RXRG: variants seen among roughly 807,000 people sequenced by gnomAD.
RXRG encodes retinoic acid receptor RXR-gamma.
A neutral mutation model predicts 49.2 loss-of-function variants in RXRG; 19 were observed. That is an observed-to-expected ratio of 0.39 (90% confidence interval 0.27 to 0.57). The LOEUF (loss-of-function observed/expected upper bound fraction) is 0.57, where lower values mean the gene tolerates loss of function less well. Ranked by LOEUF, RXRG falls within the 20% of genes least tolerant of loss-of-function variation. RXRG has a pLI of 0.64. For synonymous variants in RXRG, 224 were observed against 216.6 expected (o/e 1.03, Z -0.30); for missense variants, 452 against 592.5 (o/e 0.76, Z 2.46).
chr1:165,407,719 C>G (rs1479221778), intron 8 of RXRG, among the ~76,000 whole-genome samples: 1 of 152,152 alleles, frequency 6.6e-6, no homozygotes, highest in Non-Finnish European at 1.5e-5. Context: ...ATCTACTACC[C>G]ATTTCCTATT....
intron 2 of RXRG, 114 bp downstream of exon 2, chr1:165,428,605 A>G (rs1658566270): frequency 3.1e-6 from 4 of 1,271,940 alleles, no homozygotes; most frequent in Non-Finnish European, 4.3e-6. Context: ...GACCATTCAA[A>G]CCCTTTGGCA....
chr1:165,414,408 C>T (rs922510453), intron 4 of RXRG, among the ~76,000 whole-genome samples: 1 of 152,168 alleles, frequency 6.6e-6, no homozygotes, highest in Non-Finnish European at 1.5e-5. Context: ...CAACATTTGG[C>T]CTATTGACCA....
intron 1 of RXRG, among the ~76,000 whole-genome samples, chr1:165,431,833 TA>T (rs528358513): frequency 1.7e-3 from 250 of 150,524 alleles, no homozygotes; most frequent in Middle Eastern, 6.8e-3. Flanking sequence ...TCAGCAAACT[TA>T]AAAAAAAAAT....
At position 165,419,998 on chromosome 1, in the gene RXRG, C is replaced by A. The variant is rs1253948163; in HGVS notation, c.314G>T (p.Ser105Ile). ...PPSSQLNVVN[S>I]VSSSEDIKPL... ...CTTGATGTCCTCTGAACTGCTGACA[C>A]TGTTGACCACATTTAGCTGCAAGAG... The change falls in exon 3 of 10, where the codon AGT becomes ATT. Residue 105 changes from serine (S) to isoleucine (I), a missense_variant. Physicochemically the swap from Ser to Ile is moderately radical, Grantham distance 142. This residue lies in a region of RXRG where 166 missense variants were observed against 151.7 expected (regional missense o/e 1.09). Coordinates refer to ENST00000359842, the MANE Select transcript of RXRG (RefSeq NM_006917.5). The A allele has an allele frequency of 1.2e-6, 2 of 1,603,432 alleles. No homozygotes were observed. The highest frequency in any genetic ancestry group is 3.4e-5 in the Admixed American group (2 of 58,358).
intron 2 of RXRG, 39 bp downstream of exon 2, chr1:165,428,680 A>G: frequency 6.4e-7 from 1 of 1,551,248 alleles, no homozygotes; most frequent in Non-Finnish European, 8.7e-7. Flanking sequence ...GAAACCATGT[A>G]AGATGGCTGG....
intron 2 of RXRG, among the ~76,000 whole-genome samples, chr1:165,426,129 A>C (rs1658478374): frequency 1.3e-5 from 2 of 152,240 alleles, no homozygotes; most frequent in Admixed American, 6.5e-5. Flanking sequence ...CATTTGAGCA[A>C]GAGTGGGGCA....
At chr1:165,441,959 C>G (rs1659020496) in intron 1 of RXRG, among the ~76,000 whole-genome samples, 1 of 152,242 alleles carries the variant, frequency 6.6e-6, no homozygotes, top group African/African-American at 2.4e-5. Flanking sequence ...CTGTTGCTCA[C>G]TGATCAGATG....
intron 9 of RXRG, among the ~76,000 whole-genome samples, chr1:165,404,125 G>A (rs1286981282): frequency 6.6e-6 from 1 of 152,192 alleles, no homozygotes; most frequent in Non-Finnish European, 1.5e-5. Flanking sequence ...GGCTGTGCCA[G>A]GATCCCCTTC....
chr1:165,408,645 G>A (rs147535512), intron 7 of RXRG, among the ~76,000 whole-genome samples: 31 of 152,270 alleles, frequency 2.0e-4, no homozygotes, highest in Non-Finnish European at 2.2e-4. Context: ...AATTAGAAAC[G>A]CAACAGGCAC....
intron 4 of RXRG, among the ~76,000 whole-genome samples, chr1:165,416,837 T>A (rs1198541875): frequency 6.6e-6 from 1 of 152,228 alleles, no homozygotes; most frequent in Non-Finnish European, 1.5e-5. Context: ...AGGAAAAGGG[T>A]ACATTCAATT....
Position 165,409,818 on chromosome 1 carries a change from T to G in RXRG, c.914-128A>C, listed in dbSNP as rs964378957. The G allele has an allele frequency of 6.7e-6, 6 of 893,906 alleles. No individual in the cohort carries two copies. The African/African-American group carries it at 1.0e-4, about 16-fold the overall frequency. The allele number at this position is 893,906 out of a possible 1,614,324, so 55.4% of individuals were successfully genotyped here. On this transcript the variant is annotated intron_variant, in intron 6 of 9. Transcript: ENST00000359842. ...ATTGACAATCTAGGGAGGTTAAGAA[T>G]TAGTTCAAGATGACACAGTTCATTA...
Position 165,425,843 on chromosome 1 carries a change from G to A in RXRG, c.297+2876C>T, listed in dbSNP as rs1658469076. 2.6e-5 allele frequency among the ~76,000 whole-genome samples: 4 copies of A among 152,226 alleles called. No homozygotes were observed. The South Asian group carries it at 8.3e-4, about 32-fold the overall frequency. On this transcript the variant is annotated intron_variant, in intron 2 of 9. Transcript: ENST00000359842. ...GAAGTGCAATGGATCTGCATAATGT[G>A]GCCACCTCTCCCACAAGATTACCCG...
chr1:165,411,141 A>T, intron 4 of RXRG, 32 bp from the exon 5 acceptor site: 1 of 1,606,996 alleles, frequency 6.2e-7, no homozygotes. Flanking sequence ...AGAGGTTACC[A>T]TAATGCCCAG....
In RXRG at chr1:165,445,120, A is replaced by G. The variant is rs1659122812; in HGVS notation, c.-227T>C. ...CGTTTGAGACGGCTGTGGCGGCAGC[A>G]GCTGGTGCCTGTCAGTAATCACGCA... On this transcript the variant is annotated 5_prime_UTR_variant, in exon 1 of 10. Transcript: ENST00000359842. 8.8e-6 allele frequency: 5 copies of G among 570,926 alleles called. No homozygotes were observed. Among genetic ancestry groups the G allele is most frequent in the Non-Finnish European group, 1.6e-5 (5 of 320,424 alleles). The allele number at this position is 570,926 out of a possible 1,614,324, so 35.4% of individuals were successfully genotyped here.
chr1:165,419,287 A>G (rs1658231677), intron 3 of RXRG, among the ~76,000 whole-genome samples: 1 of 152,184 alleles, frequency 6.6e-6, no homozygotes, highest in Admixed American at 6.5e-5. Flanking sequence ...TCTTGGGGAC[A>G]TTATGGGTAA....
intron 1 of RXRG, among the ~76,000 whole-genome samples, chr1:165,441,911 C>T (rs1351957703): frequency 6.6e-6 from 1 of 152,194 alleles, no homozygotes; most frequent in Non-Finnish European, 1.5e-5. Flanking sequence ...TTTGTGGAGC[C>T]ACCACGTAGC....
chr1:165,420,525 G>A (rs182119256), intron 2 of RXRG, among the ~76,000 whole-genome samples: 57 of 152,284 alleles, frequency 3.7e-4, no homozygotes, highest in Admixed American at 1.1e-3. Flanking sequence ...ACTGTGCCAG[G>A]CTCTGGGGTA....
At chr1:165,407,563 C>T (rs1039534370) in intron 8 of RXRG, among the ~76,000 whole-genome samples, 6 of 152,202 alleles carry the variant, frequency 3.9e-5, no homozygotes, top group Non-Finnish European at 8.8e-5. Flanking sequence ...CCCCAGCCAT[C>T]TTCTCTGCTC....
intron 2 of RXRG, among the ~76,000 whole-genome samples, chr1:165,422,043 G>C (rs1039549096): frequency 6.6e-6 from 1 of 152,114 alleles, no homozygotes; most frequent in Admixed American, 6.5e-5. Context: ...CTGTCCCCAA[G>C]TCCTCAGAGG....
Sources: allele counts gnomAD v4.1 joint callset (sites outside exome capture counted in the v4.1 genomes callset), GRCh38; gene constraint gnomAD v4.1.1; regional missense constraint gnomAD v4.1.1; transcripts MANE v1.5; gene names NCBI Gene and HGNC (gene_info 2026-07-23, HGNC 2026-07-21).